The following CDK6 variants were observed in gnomAD, a reference collection of about 807,000 sequenced individuals.
The protein encoded by CDK6 is cyclin dependent kinase 6.
A neutral mutation model predicts 37.1 loss-of-function variants in CDK6; 6 were observed. The ratio of observed to expected loss-of-function variants is 0.16; its 90% confidence interval spans 0.09 to 0.32. CDK6 has a LOEUF of 0.32. Ranked by LOEUF, CDK6 falls within the 10% of genes least tolerant of loss-of-function variation. The pLI is 1.00. For missense variants in CDK6, 224 were observed against 418.9 expected (o/e 0.53, Z 4.06); for synonymous variants, 160 against 161.3 (o/e 0.99, Z 0.06).
intron 3 of CDK6, among the ~76,000 whole-genome samples, chr7:92,774,090 T>C (rs936828905): frequency 6.6e-6 from 1 of 152,242 alleles, no homozygotes; most frequent in Non-Finnish European, 1.5e-5. Flanking sequence ...GTCAATATAC[T>C]GCATCTAGTT....
chr7:92,792,630 G>A (rs1268909537), intron 2 of CDK6, among the ~76,000 whole-genome samples: 1 of 152,048 alleles, frequency 6.6e-6, no homozygotes, highest in Non-Finnish European at 1.5e-5. Flanking sequence ...TGTACAAGTT[G>A]AAAGAGAAGT....
At chr7:92,740,878 G>C (rs901000205) in intron 3 of CDK6, among the ~76,000 whole-genome samples, 1 of 152,060 alleles carries the variant, frequency 6.6e-6, no homozygotes, top group Non-Finnish European at 1.5e-5. Context: ...CCAGGTACAC[G>C]TGGCCCCTCT....
intron 3 of CDK6, among the ~76,000 whole-genome samples, chr7:92,766,266 G>C (rs747508372): frequency 6.6e-6 from 1 of 152,162 alleles, no homozygotes; most frequent in African/African-American, 2.4e-5. Flanking sequence ...GGTTAAACTA[G>C]AACTATAGCA....
rs1006852759 is a variant in CDK6, at chr7:92,633,402, A to G, written c.648-10316T>C. ...TGTTCAGTAATATTTGAAGGATGCA[A>G]TTTTTCACGGTGGACACATTGGGTT... is the stretch of plus-strand genomic sequence containing the variant. On this transcript the variant is annotated intron_variant, in intron 5 of 7. Coordinates refer to ENST00000424848, the MANE Select transcript of CDK6 (RefSeq NM_001145306.2). 5.3e-5 allele frequency among the ~76,000 whole-genome samples: 8 copies of G among 152,092 alleles called. 1 individual carries two copies. In the South Asian group the frequency reaches 6.2e-4, roughly 12 times the overall value.
At chr7:92,776,556 T>A (rs1034887260) in intron 2 of CDK6, among the ~76,000 whole-genome samples, 2 of 152,230 alleles carry the variant, frequency 1.3e-5, no homozygotes, top group Non-Finnish European at 2.9e-5. Context: ...TTTCTCCACA[T>A]CCTCTCCAGC....
Position 92,820,684 on chromosome 7 carries a change from G to A in CDK6, c.233+12407C>T, listed in dbSNP as rs187888441. Among the ~76,000 whole-genome samples the A allele has an allele frequency of 1.1e-3, 160 of 152,124 alleles. 3 individuals are homozygous for A. In the South Asian group the frequency reaches 0.018, roughly 17 times the overall value. On this transcript the variant is annotated intron_variant, in intron 2 of 7. Coordinates refer to ENST00000424848, the MANE Select transcript of CDK6 (RefSeq NM_001145306.2). ...TAAAAATATCCCTATCTCACAGAAA[G>A]CGAAGGAAATACACAGTAATATTAA...
At chr7:92,628,380 G>A (rs1354430103) in intron 5 of CDK6, among the ~76,000 whole-genome samples, 1 of 35,022 alleles carries the variant, frequency 2.9e-5, no homozygotes, top group Non-Finnish European at 4.3e-5. Flanking sequence ...TAATACTAAG[G>A]CAACTCTATT....
chr7:92,718,213 T>C (rs887029719), intron 4 of CDK6, among the ~76,000 whole-genome samples: 4 of 152,138 alleles, frequency 2.6e-5, no homozygotes, highest in Admixed American at 6.5e-5. Flanking sequence ...ACAGACCTGG[T>C]TGTGTCATGG....
intron 5 of CDK6, among the ~76,000 whole-genome samples, chr7:92,664,381 T>G (rs2116588435): frequency 6.6e-6 from 1 of 152,294 alleles, no homozygotes; most frequent in Non-Finnish European, 1.5e-5. Flanking sequence ...AGGACCTCAT[T>G]TCCTGGATGT....
intron 6 of CDK6, 78 bp from the exon 7 acceptor site, chr7:92,618,285 CAA>C (rs1795725011): frequency 6.7e-7 from 1 of 1,488,776 alleles, no homozygotes; most frequent in Non-Finnish European, 9.2e-7. Context: ...CAGAGAAAGG[CAA>C]AATCTAAGGG....
chr7:92,681,651 C>T lies in CDK6; in HGVS notation c.538-10116G>A, dbSNP rs140892328. Among the ~76,000 whole-genome samples, 15 of 152,318 alleles carry T rather than the reference C, an allele frequency of 9.8e-5. No individual in the cohort carries two copies. The East Asian group carries it at 2.9e-3, about 29-fold the overall frequency. The stretch of plus-strand genomic sequence containing the variant: ...GTTAAATGAGTTGGCTGAAGTACAA[C>T]TGGGTTGGAGGGAGGGGTGGTGTCT... On this transcript the variant is annotated intron_variant, in intron 4 of 7. Transcript: ENST00000424848.
intron 6 of CDK6, among the ~76,000 whole-genome samples, chr7:92,619,637 C>G (rs903193605): frequency 6.6e-6 from 1 of 151,694 alleles, no homozygotes; most frequent in African/African-American, 2.4e-5. Context: ...CACTTCATTT[C>G]CCCTTCCCTC....
At chr7:92,652,763 T>A (rs779443447) in intron 5 of CDK6, among the ~76,000 whole-genome samples, 1 of 152,220 alleles carries the variant, frequency 6.6e-6, no homozygotes, top group Non-Finnish European at 1.5e-5. Context: ...TGGATGTTGG[T>A]TCTGTGACAG....
At chr7:92,696,970 T>C (rs1432751218) in intron 4 of CDK6, among the ~76,000 whole-genome samples, 1 of 152,226 alleles carries the variant, frequency 6.6e-6, no homozygotes, top group Non-Finnish European at 1.5e-5. Context: ...GAGAGAATTT[T>C]CTCTTCACAT....
chr7:92,636,035 A>G (rs1053103112), intron 5 of CDK6, among the ~76,000 whole-genome samples: 1 of 152,136 alleles, frequency 6.6e-6, no homozygotes, highest in Non-Finnish European at 1.5e-5. Flanking sequence ...AAAAAAAGTT[A>G]TAAGAAATAT....
chr7:92,751,682 T>G (rs546934136), intron 3 of CDK6, among the ~76,000 whole-genome samples: 3 of 152,258 alleles, frequency 2.0e-5, no homozygotes, highest in Admixed American at 2.0e-4. Context: ...AAGAGTATAT[T>G]CTCCTTAACT....
At chr7:92,678,063 T>C (rs573752674) in intron 4 of CDK6, among the ~76,000 whole-genome samples, 12 of 152,346 alleles carry the variant, frequency 7.9e-5, no homozygotes, top group African/African-American at 1.4e-4. Flanking sequence ...GAATGAATAA[T>C]ATCAATAAAA....
intron 4 of CDK6, among the ~76,000 whole-genome samples, chr7:92,677,145 T>G (rs949706363): frequency 2.0e-5 from 3 of 152,206 alleles, no homozygotes; most frequent in African/African-American, 4.8e-5. Flanking sequence ...GAAATTAGAC[T>G]AACTTTATGC....
Position 92,605,371 on chromosome 7 carries a change from A to C in CDK6, c.*9769T>G. 4.3e-6 allele frequency: 1 copy of C among 233,452 alleles called. No homozygotes were observed. The highest frequency in any genetic ancestry group is 8.5e-6 in the Non-Finnish European group (1 of 117,928). 14.5% of individuals were successfully genotyped at this position (233,452 alleles called of 1,614,324 possible). On this transcript the variant is annotated 3_prime_UTR_variant, in exon 8 of 8. Transcript: ENST00000424848. ...AGTTCTCCCTTTCCCAATAAGTCAG[A>C]GTAAGGGGCAGGTAAGAATGGCTAT... is the stretch of plus-strand genomic sequence containing the variant.
Sources: gnomAD v4.1 joint callset for allele counts (sites outside exome capture counted in the v4.1 genomes callset) on GRCh38, gnomAD v4.1.1 for gene constraint, MANE v1.5 for transcripts, NCBI Gene and HGNC (gene_info 2026-07-23, HGNC 2026-07-21) for gene names.